Variants in FMNL2 observed in about 807,000 individuals in gnomAD.
The protein encoded by FMNL2 is formin like 2.
In FMNL2, 51 loss-of-function variants were observed where a neutral mutation model predicts 130.2. The ratio of observed to expected loss-of-function variants is 0.39; its 90% CI spans 0.31 to 0.49. The LOEUF (loss-of-function observed/expected upper bound fraction) is 0.49. FMNL2 is among the 20% of genes least tolerant of loss of function. The pLI is 0.85. For synonymous variants in FMNL2, 465 were observed against 467.1 expected, an observed-to-expected ratio of 1.00 and a Z score of 0.06; for missense variants, 977 against 1,316.2, an observed-to-expected ratio of 0.74 and a Z score of 3.99.
chr2:152,494,278 A>G (rs183324409), intron 1 of FMNL2, among the ~76,000 whole-genome samples: 3 of 152,314 alleles, frequency 2.0e-5, no homozygotes, highest in Admixed American at 2.0e-4. Flanking sequence ...GACCTCTGTT[A>G]TTGTATTTAG....
intron 1 of FMNL2, among the ~76,000 whole-genome samples, chr2:152,370,318 C>T (rs1273909906): frequency 6.6e-6 from 1 of 152,118 alleles, no homozygotes; most frequent in Non-Finnish European, 1.5e-5. Flanking sequence ...TCCCCGGGGT[C>T]TCTTTTTATA....
chr2:152,535,109 T>C (rs1693926628), intron 2 of FMNL2, among the ~76,000 whole-genome samples: 1 of 152,238 alleles, frequency 6.6e-6, no homozygotes, highest in Non-Finnish European at 1.5e-5. Flanking sequence ...GACTCCTTGT[T>C]GTCTGTCCTG....
chr2:152,636,344 T>A, intron 21 of FMNL2, 83 bp from the exon 22 acceptor site: 2 of 1,450,248 alleles, frequency 1.4e-6, no homozygotes, highest in Non-Finnish European at 1.9e-6. Context: ...AAGAATCTCC[T>A]GAGAACTTGG....
intron 1 of FMNL2, 136 bp downstream of exon 1, chr2:152,335,856 T>G (rs866731793): frequency 1.8e-6 from 1 of 566,254 alleles, no homozygotes; most frequent in Non-Finnish European, 2.9e-6. Flanking sequence ...GCTTTCCCCT[T>G]TGTGGCCCCC....
intron 1 of FMNL2, among the ~76,000 whole-genome samples, chr2:152,397,788 T>C (rs749089510): frequency 2.0e-5 from 3 of 152,180 alleles, no homozygotes; most frequent in African/African-American, 4.8e-5. Context: ...GATTTGTATG[T>C]CATTCTTCTC....
At chr2:152,400,174 T>C (rs968885034) in intron 1 of FMNL2, among the ~76,000 whole-genome samples, 1 of 152,258 alleles carries the variant, frequency 6.6e-6, no homozygotes, top group South Asian at 2.1e-4. Context: ...GGCTCATGCC[T>C]GTGGTCCCAG....
At chr2:152,558,715 A>ATTTT in intron 4 of FMNL2, 25 bp from the exon 5 acceptor site, 3 of 1,398,064 alleles carry the variant, frequency 2.1e-6, no homozygotes, top group South Asian at 1.2e-5. Flanking sequence ...TTCTCCAATG[A>ATTTT]TTTTTTTTTT....
intron 1 of FMNL2, among the ~76,000 whole-genome samples, chr2:152,485,111 C>T (rs1205893848): frequency 2.6e-5 from 4 of 151,944 alleles, no homozygotes; most frequent in Non-Finnish European, 4.4e-5. Flanking sequence ...TTTGGGAGTC[C>T]AAGGTGGGAG....
intron 1 of FMNL2, among the ~76,000 whole-genome samples, chr2:152,371,370 CAT>C (rs34891898): frequency 0.36 from 54,051 of 151,680 alleles, 10,923 homozygotes; most frequent in East Asian, 0.91. Flanking sequence ...TTCCAAAACT[CAT>C]GTCGAAATGT....
intron 1 of FMNL2, among the ~76,000 whole-genome samples, chr2:152,473,353 G>T (rs1409898254): frequency 6.6e-6 from 1 of 152,126 alleles, no homozygotes; most frequent in Non-Finnish European, 1.5e-5. Flanking sequence ...ACACGCATGA[G>T]TTACTGTACC....
intron 4 of FMNL2, among the ~76,000 whole-genome samples, chr2:152,553,810 A>G (rs1695065576): frequency 6.6e-6 from 1 of 152,080 alleles, no homozygotes; most frequent in Non-Finnish European, 1.5e-5. Flanking sequence ...AATCCAAAAA[A>G]AAATTGGTGA....
intron 1 of FMNL2, among the ~76,000 whole-genome samples, chr2:152,465,782 G>A (rs1689498267): frequency 6.6e-6 from 1 of 152,204 alleles, no homozygotes; most frequent in Admixed American, 6.5e-5. Flanking sequence ...TTAGCACTTT[G>A]CCTCGAGGGC....
intron 1 of FMNL2, among the ~76,000 whole-genome samples, chr2:152,347,988 C>G (rs775074391): frequency 6.6e-6 from 1 of 150,700 alleles, no homozygotes; most frequent in Non-Finnish European, 1.5e-5. Context: ...TGTGCTTTCT[C>G]TCCTTCGTAT....
At chr2:152,490,736 G>GA (rs199564236) in intron 1 of FMNL2, among the ~76,000 whole-genome samples, 11,505 of 116,874 alleles carry the variant, frequency 0.098, 687 homozygotes, top group Admixed American at 0.24. Flanking sequence ...GGAGTTTAAG[G>GA]AAAAAAAAAA....
chr2:152,503,247 G>A lies in FMNL2; in HGVS notation c.118-18696G>A, dbSNP rs114356567. On this transcript the variant is annotated intron_variant, in intron 1 of 25. Coordinates refer to ENST00000288670, the MANE Select transcript of FMNL2 (RefSeq NM_052905.4). ...ACAAATAGGAATTTATAGCCAAGGA[G>A]TGGAGTGGAGGTCAGTGGATGGAAA... Among the ~76,000 whole-genome samples, 1,019 of 152,334 alleles carry A rather than the reference G, an allele frequency of 6.7e-3. 13 individuals are homozygous for A. Among genetic ancestry groups the A allele is most frequent in the African/African-American group, 0.023 (971 of 41,572 alleles).
chr2:152,447,571 T>C (rs1345225655), intron 1 of FMNL2, among the ~76,000 whole-genome samples: 1 of 152,196 alleles, frequency 6.6e-6, no homozygotes, highest in East Asian at 1.9e-4. Flanking sequence ...GACCCATGTT[T>C]TCCTTTTGAT....
intron 1 of FMNL2, among the ~76,000 whole-genome samples, chr2:152,396,450 A>G (rs1041237416): frequency 6.6e-6 from 1 of 152,188 alleles, no homozygotes; most frequent in African/African-American, 2.4e-5. Flanking sequence ...CCAAACCTAG[A>G]ATGAAATCCA....
chr2:152,526,124 G>GTT (rs1457947722), intron 2 of FMNL2, among the ~76,000 whole-genome samples: 2 of 152,184 alleles, frequency 1.3e-5, no homozygotes, highest in African/African-American at 4.8e-5. Context: ...TTGTGAGCCA[G>GTT]TTAAAGCTCT....
At chr2:152,505,904 C>A (rs919405910) in intron 1 of FMNL2, among the ~76,000 whole-genome samples, 32 of 152,110 alleles carry the variant, frequency 2.1e-4, no homozygotes, top group Non-Finnish European at 4.1e-4. Context: ...GAGTACTTTT[C>A]GAGTGAAAGG....
Sources: gnomAD v4.1 joint callset for allele counts (sites outside exome capture counted in the v4.1 genomes callset) on GRCh38, gnomAD v4.1.1 for gene constraint, MANE v1.5 for transcripts, NCBI Gene and HGNC (gene_info 2026-07-23, HGNC 2026-07-21) for gene names.